CDH4: variants seen among roughly 807,000 people sequenced by gnomAD.
CDH4 encodes cadherin 4.
Under a neutral mutation model 86.0 loss-of-function variants are expected in CDH4, and 33 were observed. The observed-to-expected ratio is 0.38, with a 90% CI of 0.29 to 0.51. The LOEUF (loss-of-function observed/expected upper bound fraction) is 0.51, where lower values mean the gene tolerates loss of function less well. Ranked by LOEUF, CDH4 falls within the 20% of genes least tolerant of loss-of-function variation. The probability of loss-of-function intolerance (pLI) is 0.86; values close to 1 mark genes in which losing one functional copy is unlikely to be tolerated. For missense variants in CDH4, 1,114 were observed against 1,307.4 expected, an observed-to-expected ratio of 0.85 and a Z score of 2.28; for synonymous variants, 555 against 549.4, an observed-to-expected ratio of 1.01 and a Z score of -0.14.
intron 2 of CDH4, among the ~76,000 whole-genome samples, chr20:61,333,524 G>T (rs943041706): frequency 9.9e-5 from 15 of 152,196 alleles, no homozygotes. Flanking sequence ...AGGGGTGACT[G>T]CAGTGGCAGG....
At chr20:61,795,855 A>ATGAATGAGTGAGTGAG (rs1568820617) in intron 4 of CDH4, among the ~76,000 whole-genome samples, 2 of 152,288 alleles carry the variant, frequency 1.3e-5, no homozygotes, top group South Asian at 4.1e-4. Flanking sequence ...GAGTGAATGA[A>ATGAATGAGTGAGTGAG]TGAATGAATG....
chr20:61,647,239 G>T (rs796453312), intron 2 of CDH4, among the ~76,000 whole-genome samples: 2 of 152,108 alleles, frequency 1.3e-5, no homozygotes, highest in Non-Finnish European at 2.9e-5. Flanking sequence ...CATGCCCCAG[G>T]TGATTGGATC....
chr20:61,654,113 A>C (rs2087160488), intron 2 of CDH4, among the ~76,000 whole-genome samples: 1 of 152,118 alleles, frequency 6.6e-6, no homozygotes. Context: ...AGATCACGCC[A>C]CTGCACTCCA....
intron 2 of CDH4, among the ~76,000 whole-genome samples, chr20:61,687,435 C>G (rs1007026788): frequency 2.0e-5 from 3 of 152,152 alleles, no homozygotes; most frequent in Non-Finnish European, 2.9e-5. Flanking sequence ...TGGGCGCCCC[C>G]GGGGACCCAC....
At chr20:61,278,895 G>A (rs1369865285) in intron 2 of CDH4, among the ~76,000 whole-genome samples, 1 of 152,240 alleles carries the variant, frequency 6.6e-6, no homozygotes, top group African/African-American at 2.4e-5. Flanking sequence ...GGTGGCAATG[G>A]CAAGTATTCT....
chr20:61,605,445 C>CTT (rs2086636044), intron 2 of CDH4, among the ~76,000 whole-genome samples: 1 of 151,902 alleles, frequency 6.6e-6, no homozygotes, highest in African/African-American at 2.4e-5. Context: ...GTCTCCCTCT[C>CTT]TCTCTTTCTC....
At chr20:61,262,705 T>A (rs1255492854) in intron 2 of CDH4, among the ~76,000 whole-genome samples, 13 of 152,126 alleles carry the variant, frequency 8.5e-5, no homozygotes, top group Admixed American at 8.5e-4. Context: ...TCTCTTATGT[T>A]GCAAATGGAG....
chr20:61,827,908 G>C (rs192536334), intron 4 of CDH4, among the ~76,000 whole-genome samples: 1 of 152,330 alleles, frequency 6.6e-6, no homozygotes, highest in Non-Finnish European at 1.5e-5. Context: ...TAGTAGGTTA[G>C]ATTCTTCAGG....
chr20:61,588,672 CCT>C (rs2086496191), intron 2 of CDH4, among the ~76,000 whole-genome samples: 1 of 152,186 alleles, frequency 6.6e-6, no homozygotes, highest in Admixed American at 6.5e-5. Context: ...CCCCCTTTCT[CCT>C]CTGTCTCCAG....
intron 2 of CDH4, among the ~76,000 whole-genome samples, chr20:61,653,521 A>G (rs2087148981): frequency 7.0e-6 from 1 of 143,128 alleles, no homozygotes; most frequent in Non-Finnish European, 1.6e-5. Flanking sequence ...GGCCGGGCAG[A>G]GGCGCCCCTC....
intron 2 of CDH4, among the ~76,000 whole-genome samples, chr20:61,674,941 C>T (rs1409355914): frequency 6.6e-6 from 1 of 152,220 alleles, no homozygotes; most frequent in African/African-American, 2.4e-5. Context: ...TCTGTGGCTG[C>T]CTTTGCCTCT....
chr20:61,908,222 GT>G (rs1429195509), intron 8 of CDH4, among the ~76,000 whole-genome samples: 1 of 152,218 alleles, frequency 6.6e-6, no homozygotes, highest in African/African-American at 2.4e-5. Flanking sequence ...GAATTCTTCT[GT>G]CGCGTCGCCG....
At chr20:61,394,901 C>T (rs2085008054) in intron 2 of CDH4, among the ~76,000 whole-genome samples, 1 of 138,794 alleles carries the variant, frequency 7.2e-6, no homozygotes. Flanking sequence ...GCCCCTGTCA[C>T]CCCCACCCCG....
chr20:61,370,362 G>A (rs2084833530), intron 2 of CDH4: 1 of 152,242 alleles, frequency 6.6e-6, no homozygotes, highest in Non-Finnish European at 1.5e-5. Context: ...GAGTGGTACA[G>A]GTGATGCACG....
In CDH4 at chr20:61,616,934, G is replaced by A. The variant is rs573444225; in HGVS notation, c.170-126629G>A. On this transcript the variant is annotated intron_variant, in intron 2 of 15. Coordinates refer to ENST00000614565, the MANE Select transcript of CDH4 (RefSeq NM_001794.5). Reference sequence around the variant, plus strand: ...GCAGTGGGTCCATGGGGGGCTGCTGGGTGGAGGGGGGTGACTGGACCGGGT... The same window carrying A: ...GCAGTGGGTCCATGGGGGGCTGCTGAGTGGAGGGGGGTGACTGGACCGGGT... Among the ~76,000 whole-genome samples the A allele has an allele frequency of 5.9e-5, 9 of 152,182 alleles. No individual in the cohort carries two copies. In the East Asian group the frequency reaches 1.2e-3, roughly 20 times the overall value.
intron 2 of CDH4, among the ~76,000 whole-genome samples, chr20:61,414,916 T>C (rs1375254346): frequency 6.6e-6 from 1 of 152,180 alleles, no homozygotes; most frequent in Non-Finnish European, 1.5e-5. Flanking sequence ...AGCTGCCCCA[T>C]GCATGCAGTG....
At chr20:61,331,645 C>T (rs1568801171) in intron 2 of CDH4, among the ~76,000 whole-genome samples, 6 of 64,180 alleles carry the variant, frequency 9.3e-5, no homozygotes, top group Non-Finnish European at 1.8e-4. Context: ...AGACCCACCT[C>T]CCGCCCCAGC....
chr20:61,861,948 C>T (rs1983348017), intron 6 of CDH4, among the ~76,000 whole-genome samples: 1 of 152,196 alleles, frequency 6.6e-6, no homozygotes, highest in Admixed American at 6.5e-5. Context: ...ACATCCGCTC[C>T]TCAAGGTGCA....
chr20:61,857,228 G>A (rs141586204), intron 6 of CDH4, among the ~76,000 whole-genome samples: 166 of 152,362 alleles, frequency 1.1e-3, no homozygotes, highest in African/African-American at 3.8e-3. Context: ...GATGGTGGGC[G>A]GCGCGTGTGC....
Sources: gnomAD v4.1 joint callset for allele counts (sites outside exome capture counted in the v4.1 genomes callset) on GRCh38, gnomAD v4.1.1 for gene constraint, MANE v1.5 for transcripts, NCBI Gene and HGNC (gene_info 2026-07-23, HGNC 2026-07-21) for gene names.